DST: variants seen among roughly 807,000 people sequenced by gnomAD.
DST encodes dystonin, also known as bullous pemphigoid antigen.
DST carries 253 observed loss-of-function variants against 875.2 expected under a neutral mutation model. The observed-to-expected ratio is 0.29, with a 90% CI of 0.26 to 0.32. The LOEUF (loss-of-function observed/expected upper bound fraction) is 0.32, where lower values mean the gene tolerates loss of function less well. Among genes scored for constraint, DST ranks in the 10% least tolerant of loss-of-function variants. The pLI, the probability that DST is intolerant of heterozygous loss-of-function variation, is 1.00. For missense variants in DST, 8,287 were observed against 9,111.6 expected (o/e 0.91, Z 3.68); for synonymous variants, 3,124 against 3,197.1 (o/e 0.98, Z 0.77).
chr6:56,823,406 G>A (rs1369756681), intron 4 of DST, among the ~76,000 whole-genome samples: 1 of 151,922 alleles, frequency 6.6e-6, no homozygotes, highest in Non-Finnish European at 1.5e-5. Flanking sequence ...AAGGAAATGT[G>A]TATAATTTTT....
chr6:56,490,127 T>G (rs558404522), intron 85 of DST, among the ~76,000 whole-genome samples: 1 of 152,266 alleles, frequency 6.6e-6, no homozygotes, highest in African/African-American at 2.4e-5. Flanking sequence ...TGCATTCCTA[T>G]TTAATGCAAA....
chr6:56,884,789 C>T (rs550812989), intron 3 of DST, among the ~76,000 whole-genome samples: 1 of 152,082 alleles, frequency 6.6e-6, no homozygotes, highest in Non-Finnish European at 1.5e-5. Context: ...AGTGCAATGG[C>T]GCGATCTCGG....
chr6:56,852,846 G>A (rs1338942010), intron 3 of DST, among the ~76,000 whole-genome samples: 2 of 152,144 alleles, frequency 1.3e-5, no homozygotes, highest in Non-Finnish European at 1.5e-5. Flanking sequence ...TCCAATTTGA[G>A]CAAAAACACT....
Position 56,603,893 on chromosome 6 carries a change from A to T in DST, c.10735T>A (p.Leu3579Met). The change falls in exon 40 of 104, where the codon TTG (leucine) becomes ATG (methionine). Residue 3579 changes from leucine (L) to methionine (M), a missense_variant. Transcript: ENST00000680361. ...KDLCNDFPSH[L>M]ECTSGSKEMA... The stretch of plus-strand genomic sequence containing the variant: ...TCTTTAGACCCTGAAGTACATTCCA[A>T]ATGGCTTGGGAAATCATTACACAGA... 1 of 1,611,654 alleles carries T rather than the reference A, an allele frequency of 6.2e-7. No individual in the cohort carries two copies. Among genetic ancestry groups the T allele is most frequent in the East Asian group, 2.2e-5 (1 of 44,790 alleles).
chr6:56,494,637 T>C (rs989831782), intron 82 of DST, among the ~76,000 whole-genome samples: 1 of 152,066 alleles, frequency 6.6e-6, no homozygotes, highest in Non-Finnish European at 1.5e-5. Context: ...AAACATGCAA[T>C]GGATAGAAAG....
At chr6:56,475,019 T>C (rs569910217) in intron 92 of DST, among the ~76,000 whole-genome samples, 2 of 135,998 alleles carry the variant, frequency 1.5e-5, no homozygotes, top group South Asian at 2.8e-4. Flanking sequence ...ACATAATACA[T>C]CCACATTTAA....
chr6:56,593,216 T>A (rs2098312076), intron 48 of DST, among the ~76,000 whole-genome samples: 1 of 151,874 alleles, frequency 6.6e-6, no homozygotes, highest in African/African-American at 2.4e-5. Flanking sequence ...GTAAAGCAGG[T>A]GAATAAGATA....
At chr6:56,778,839 A>C (rs2099685520) in intron 4 of DST, among the ~76,000 whole-genome samples, 1 of 151,958 alleles carries the variant, frequency 6.6e-6, no homozygotes, top group African/African-American at 2.4e-5. Context: ...AGCTGCAATA[A>C]ACATACGTGT....
intron 3 of DST, among the ~76,000 whole-genome samples, chr6:56,870,367 C>A (rs932102364): frequency 6.6e-6 from 1 of 151,268 alleles, no homozygotes; most frequent in East Asian, 1.9e-4. Context: ...GCAAAGGCAA[C>A]CCCCTTTGGG....
chr6:56,505,699 C>T (rs1027017598), intron 77 of DST, among the ~76,000 whole-genome samples: 2 of 152,008 alleles, frequency 1.3e-5, no homozygotes, highest in Non-Finnish European at 2.9e-5. Context: ...TATGGAAATA[C>T]TTAAGCTTTT....
rs192457308 is a variant in DST at position 56,601,664 on chromosome 6, C to A, written c.11320G>T (p.Asp3774Tyr). The change falls in exon 44 of 104, where the codon GAC (aspartate) becomes TAC (tyrosine). Residue 3774 changes from aspartate (D) to tyrosine (Y), a missense_variant. Around this residue, in one of 10 missense-constraint regions of DST, gnomAD observed 3,138 missense variants for 3,116.6 expected, o/e 1.01. Coordinates refer to ENST00000680361, the MANE Select transcript of DST (RefSeq NM_001374736.1). ...RLEFLKNVLK[D>Y]LGHTKMQLET... ...AGCTGCATTTTGGTATGTCCAAGGTCTTTTAATACATTCTGTTAAAAAAGT... is the reference window on the plus strand; with the variant it reads ...AGCTGCATTTTGGTATGTCCAAGGTATTTTAATACATTCTGTTAAAAAAGT... 16 of 1,573,250 alleles carry A rather than the reference C, an allele frequency of 1.0e-5. No homozygotes were observed. The East Asian group carries it at 3.0e-4, about 29-fold the overall frequency.
intron 55 of DST, among the ~76,000 whole-genome samples, chr6:56,565,642 T>A (rs1004217114): frequency 6.6e-6 from 1 of 152,184 alleles, no homozygotes; most frequent in African/African-American, 2.4e-5. Flanking sequence ...CGACCCCTGC[T>A]GGGAGGTGTC....
chr6:56,602,676 T>C (rs1412949269), intron 43 of DST, among the ~76,000 whole-genome samples: 2 of 151,962 alleles, frequency 1.3e-5, no homozygotes, highest in East Asian at 1.9e-4. Flanking sequence ...AAGAGTATGA[T>C]AAGGCTTTTG....
chr6:56,605,910 G>A lies in DST; in HGVS notation c.8718C>T (p.Ser2906=). 1.9e-6 allele frequency: 3 copies of A among 1,612,566 alleles called. No homozygotes were observed. The highest frequency in any genetic ancestry group is 2.5e-6 in the Non-Finnish European group (3 of 1,179,336). The change falls in exon 40 of 104, where the codon AGC becomes AGT. Residue 2906 remains serine, a synonymous_variant. Coordinates refer to ENST00000680361, the MANE Select transcript of DST (RefSeq NM_001374736.1). ...PEYTTEIAGK[S]KENLLNHEMV... Reference sequence around the variant, plus strand: ...TCTCATGGTTCAACAGATTTTCTTTGCTTTTTCCAGCAATCTCAGTTGTAT... The same window carrying A: ...TCTCATGGTTCAACAGATTTTCTTTACTTTTTCCAGCAATCTCAGTTGTAT...
At chr6:56,737,091 G>C (rs1258406682) in intron 4 of DST, among the ~76,000 whole-genome samples, 1 of 152,244 alleles carries the variant, frequency 6.6e-6, no homozygotes, top group Non-Finnish European at 1.5e-5. Context: ...CTACTTGGGA[G>C]GCTGAGGTGG....
In DST at chr6:56,608,303, C is replaced by A; in HGVS notation, c.6325G>T (p.Ala2109Ser). 1 of 1,613,354 alleles carries A rather than the reference C, an allele frequency of 6.2e-7. No homozygotes were observed. Among genetic ancestry groups the A allele is most frequent in the Non-Finnish European group, 8.5e-7 (1 of 1,179,784 alleles). Residue 2109 changes from alanine (A) to serine (S), a missense_variant, in exon 40 of 104, where the codon GCT (alanine) becomes TCT (serine). By Grantham distance (99) the Ala-to-Ser change is moderately conservative. Transcript: ENST00000680361. ...TGAGAACTTTCTGGAATATAAAGAG[C>A]AGCTATTTTTTGTCTGCCATTCAGG... Reference protein sequence around the residue: ...KILNGRQKIAALYIPESSQVI... With the variant: ...KILNGRQKIASLYIPESSQVI...
chr6:56,580,555 A>AAAAC (rs2097955285), intron 49 of DST, among the ~76,000 whole-genome samples: 1 of 146,610 alleles, frequency 6.8e-6, no homozygotes, highest in African/African-American at 2.5e-5. Flanking sequence ...CTACTTTCTT[A>AAAAC]AAATAAATAA....
At chr6:56,610,204 T>C (rs2152717558) in intron 39 of DST, among the ~76,000 whole-genome samples, 1 of 152,306 alleles carries the variant, frequency 6.6e-6, no homozygotes, top group Non-Finnish European at 1.5e-5. Context: ...TCTTTTACCA[T>C]GCAAGGCAGA....
At chr6:56,836,821 C>A (rs1208058027) in intron 4 of DST, among the ~76,000 whole-genome samples, 1 of 144,218 alleles carries the variant, frequency 6.9e-6, no homozygotes, top group South Asian at 2.2e-4. Flanking sequence ...ACTGCACTCC[C>A]GCCTGGGCCA....
Sources: allele counts gnomAD v4.1 joint callset (sites outside exome capture counted in the v4.1 genomes callset), GRCh38; gene constraint gnomAD v4.1.1; regional missense constraint gnomAD v4.1.1; transcripts MANE v1.5; gene names NCBI Gene and HGNC (gene_info 2026-07-23, HGNC 2026-07-21).